The following KITLG variants were observed in gnomAD, a reference collection of about 807,000 sequenced individuals.
KITLG encodes the protein c-Kit ligand.
In KITLG, 13 loss-of-function variants were observed where a neutral mutation model predicts 34.1. That is an observed-to-expected ratio of 0.38 (90% CI 0.25 to 0.61). The LOEUF (loss-of-function observed/expected upper bound fraction) is 0.61, where lower values mean the gene tolerates loss of function less well. Among genes scored for constraint, KITLG ranks in the 20% least tolerant of loss-of-function variants. KITLG has a pLI of 0.60. For synonymous variants in KITLG, 110 were observed against 104.0 expected (o/e 1.06, Z -0.35); for missense variants, 292 against 318.9 (o/e 0.92, Z 0.64).
intron 3 of KITLG, among the ~76,000 whole-genome samples, chr12:88,520,970 A>C (rs1048636657): frequency 1.3e-5 from 2 of 152,144 alleles, no homozygotes; most frequent in Non-Finnish European, 2.9e-5. Context: ...TCCTACTCTA[A>C]TGTTTGCCCT....
chr12:88,508,556 C>CGTGT (rs139771009), intron 6 of KITLG, among the ~76,000 whole-genome samples: 5,471 of 147,644 alleles, frequency 0.037, 223 homozygotes, highest in African/African-American at 0.1. Context: ...TGTGTGCTCA[C>CGTGT]GTGTGTGTGT....
chr12:88,501,951 G>A (rs918448643), intron 9 of KITLG, among the ~76,000 whole-genome samples: 1 of 152,138 alleles, frequency 6.6e-6, no homozygotes, highest in East Asian at 1.9e-4. Flanking sequence ...AGAGTTTATG[G>A]TTTTGAAAAG....
At chr12:88,514,247 AT>A (rs748784202) in intron 6 of KITLG, among the ~76,000 whole-genome samples, 5 of 151,842 alleles carry the variant, frequency 3.3e-5, no homozygotes, top group Non-Finnish European at 7.4e-5. Flanking sequence ...CAATGATCTA[AT>A]TTTTCCACTT....
At chr12:88,576,312 G>C (rs1459779790) in intron 1 of KITLG, among the ~76,000 whole-genome samples, 1 of 152,086 alleles carries the variant, frequency 6.6e-6, no homozygotes, top group Non-Finnish European at 1.5e-5. Flanking sequence ...ACAGATATTA[G>C]CCTATCATGG....
chr12:88,535,566 G>A lies in KITLG; in HGVS notation c.130-3063C>T, dbSNP rs1038454003. On this transcript the variant is annotated intron_variant, in intron 2 of 9. Transcript: ENST00000644744. ...GGGGCTCAGCACATCTACCTATAGCGCAGTATCCCATTATTACGTCCTTGG... is the reference window on the plus strand; with the variant it reads ...GGGGCTCAGCACATCTACCTATAGCACAGTATCCCATTATTACGTCCTTGG... Among the ~76,000 whole-genome samples the A allele has an allele frequency of 4.6e-5, 7 of 152,082 alleles. No individual in the cohort carries two copies. The East Asian group carries it at 5.8e-4, about 13-fold the overall frequency.
intron 3 of KITLG, among the ~76,000 whole-genome samples, chr12:88,527,775 G>A (rs1869932333): frequency 6.6e-6 from 1 of 152,188 alleles, no homozygotes; most frequent in Admixed American, 6.5e-5. Context: ...GTGGTTACCT[G>A]AGCACAAATC....
intron 1 of KITLG, among the ~76,000 whole-genome samples, chr12:88,572,367 T>C (rs576983567): frequency 1.3e-5 from 2 of 151,956 alleles, no homozygotes; most frequent in South Asian, 4.1e-4. Flanking sequence ...TGTATCTATA[T>C]ATGAAATAAA....
At chr12:88,541,574 C>T (rs1870520079) in intron 2 of KITLG, among the ~76,000 whole-genome samples, 1 of 152,130 alleles carries the variant, frequency 6.6e-6, no homozygotes, top group African/African-American at 2.4e-5. Flanking sequence ...CTAAAATCTG[C>T]AACCTAACTA....
intron 9 of KITLG, among the ~76,000 whole-genome samples, chr12:88,504,871 C>T (rs1262706425): frequency 1.3e-5 from 2 of 150,322 alleles, no homozygotes; most frequent in East Asian, 4.0e-4. Context: ...ATCGCAAGGA[C>T]AGAAAACCAA....
intron 3 of KITLG, among the ~76,000 whole-genome samples, chr12:88,520,193 T>G (rs965961894): frequency 3.2e-4 from 49 of 152,312 alleles, no homozygotes; most frequent in African/African-American, 1.1e-3. Flanking sequence ...AATATGTGTT[T>G]CCAAAGTATG....
chr12:88,524,485 C>T (rs1457175624), intron 3 of KITLG, among the ~76,000 whole-genome samples: 1 of 152,026 alleles, frequency 6.6e-6, no homozygotes, highest in Non-Finnish European at 1.5e-5. Context: ...ACATATAAAA[C>T]ATTCCATTAA....
intron 1 of KITLG, among the ~76,000 whole-genome samples, chr12:88,564,545 C>T (rs1417726952): frequency 6.6e-6 from 1 of 152,102 alleles, no homozygotes; most frequent in Non-Finnish European, 1.5e-5. Context: ...CTGCACAAAC[C>T]ATTTTGTACA....
intron 3 of KITLG, among the ~76,000 whole-genome samples, chr12:88,531,698 C>A (rs931995558): frequency 6.6e-6 from 1 of 151,680 alleles, no homozygotes; most frequent in African/African-American, 2.4e-5. Flanking sequence ...AAAGAATTTA[C>A]ATAAACTTAC....
At chr12:88,556,585 G>T (rs1871105821) in intron 1 of KITLG, among the ~76,000 whole-genome samples, 1 of 152,228 alleles carries the variant, frequency 6.6e-6, no homozygotes, top group African/African-American at 2.4e-5. Flanking sequence ...GTCAAAAGGG[G>T]AAGAGGCACA....
At chr12:88,506,908 T>C (rs1432784478) in intron 7 of KITLG, 120 bp downstream of exon 7, 1 of 677,290 alleles carries the variant, frequency 1.5e-6, no homozygotes, top group East Asian at 2.7e-5. Context: ...TTAAATTTTG[T>C]TTAGATTATA....
chr12:88,580,215 C>A (rs1389162531), intron 1 of KITLG, 49 bp downstream of exon 1: 2 of 1,583,014 alleles, frequency 1.3e-6, no homozygotes, highest in Non-Finnish European at 1.7e-6. Flanking sequence ...GGGCACCGGG[C>A]GCGATTTTTC....
chr12:88,505,182 G>T lies in KITLG; in HGVS notation c.*14C>A. On this transcript the variant is annotated 3_prime_UTR_variant, in exon 9 of 10. Transcript: ENST00000644744. Reference sequence around the variant, plus strand: ...ACCAATGTACGAAAGTAACAGTGTTGATACAAGCCACAATTACACTTCTTG... The same window carrying T: ...ACCAATGTACGAAAGTAACAGTGTTTATACAAGCCACAATTACACTTCTTG... 1.3e-6 allele frequency: 2 copies of T among 1,594,644 alleles called. No homozygotes were observed. Among genetic ancestry groups the T allele is most frequent in the South Asian group, 2.2e-5 (2 of 90,616 alleles).
rs539979920 is a variant in KITLG at position 88,516,358 on chromosome 12, A to G, written c.496T>C (p.Ser166Pro). ...VASETSDCVV[S>P]STLSPEKDSR... ...CCTTTCTCAGGACTTAATGTTGAAGAAACCACACAATCACTAGTTTCAGAT... is the reference window on the plus strand; with the variant it reads ...CCTTTCTCAGGACTTAATGTTGAAGGAACCACACAATCACTAGTTTCAGAT... Residue 166 changes from serine (S) to proline (P), a missense_variant, in exon 5 of 10, where the codon TCT becomes CCT. Around this residue, in one of 2 missense-constraint regions of KITLG, gnomAD observed 152 missense variants for 207.9 expected, o/e 0.73. Transcript: ENST00000644744. 1.2e-6 allele frequency: 2 copies of G among 1,611,310 alleles called. No individual in the cohort carries two copies. The highest frequency in any genetic ancestry group is 2.2e-5 in the South Asian group (2 of 91,028).
intron 3 of KITLG, among the ~76,000 whole-genome samples, chr12:88,523,976 C>G (rs950918058): frequency 6.6e-6 from 1 of 152,194 alleles, no homozygotes; most frequent in African/African-American, 2.4e-5. Flanking sequence ...TAAATGGCCC[C>G]TAGGCCCGCC....
Sources: allele counts gnomAD v4.1 joint callset (sites outside exome capture counted in the v4.1 genomes callset), GRCh38; gene constraint gnomAD v4.1.1; regional missense constraint gnomAD v4.1.1; transcripts MANE v1.5; gene names NCBI Gene and HGNC (gene_info 2026-07-23, HGNC 2026-07-21).